The following ATXN10 variants were observed in gnomAD, a reference collection of about 807,000 sequenced individuals.
ATXN10 encodes the protein ataxin 10.
A neutral mutation model predicts 52.9 loss-of-function variants in ATXN10; 28 were observed. That is an observed-to-expected ratio of 0.53 (90% CI 0.39 to 0.73). The LOEUF (loss-of-function observed/expected upper bound fraction) is 0.73. Ranked by LOEUF, ATXN10 falls within the 30% of genes least tolerant of loss-of-function variation. ATXN10 has a pLI of 0.00. For synonymous variants in ATXN10, 226 were observed against 221.5 expected (o/e 1.02, Z -0.18); for missense variants, 565 against 577.0 (o/e 0.98, Z 0.21).
At position 45,780,380 on chromosome 22, in the gene ATXN10, G is replaced by A. The variant is rs374548068; in HGVS notation, c.1174-26579G>A. Among the ~76,000 whole-genome samples, 152 of 152,184 alleles carry A rather than the reference G, an allele frequency of 1.0e-3. 1 individual carries two copies. Among genetic ancestry groups the A allele is most frequent in the Non-Finnish European group, 1.7e-3 (117 of 68,032 alleles). On this transcript the variant is annotated intron_variant, in intron 9 of 11. Transcript: ENST00000252934. The surrounding 1 kb of genome is among the most constrained non-coding windows in gnomAD (Gnocchi z 4.0). The stretch of plus-strand genomic sequence containing the variant: ...ATTACAGGCATGAGCCACTGTGCCC[G>A]TCGGACTGTTTGCTCTCATGAGAGC...
rs1215035262 is a variant in ATXN10 at position 45,795,367 on chromosome 22, T to TCTATG, written c.1174-11588_1174-11587insGCTAT. Among the ~76,000 whole-genome samples, 1 of 137,438 alleles carries TCTATG rather than the reference T, an allele frequency of 7.3e-6. No individual in the cohort carries two copies. Among genetic ancestry groups the TCTATG allele is most frequent in the Non-Finnish European group, 1.6e-5 (1 of 63,404 alleles). The allele number at this position is 137,438 out of a possible 152,430, so 90.2% of individuals were successfully genotyped here. ...ACTACTAGAATGGATTCTATTCTAT[T>TCTATG]CTATTCTATTCTATTCTATTCTATT... On this transcript the variant is annotated intron_variant, in intron 9 of 11. Coordinates refer to ENST00000252934, the MANE Select transcript of ATXN10 (RefSeq NM_013236.4). This position sits in a 1 kb window ranked among gnomAD's most constrained non-coding sequence, Gnocchi z 4.6.
intron 9 of ATXN10, among the ~76,000 whole-genome samples, chr22:45,743,885 C>G (rs547641197): frequency 6.6e-6 from 1 of 152,134 alleles, no homozygotes; most frequent in African/African-American, 2.4e-5. Context: ...CTATTGAGTT[C>G]CCAGGCCTGT....
Position 45,727,801 on chromosome 22 carries a change from T to G in ATXN10, c.729-1624T>G, listed in dbSNP as rs1350979431. On this transcript the variant is annotated intron_variant, in intron 6 of 11. Coordinates refer to ENST00000252934, the MANE Select transcript of ATXN10 (RefSeq NM_013236.4). This position sits in a 1 kb window ranked among gnomAD's most constrained non-coding sequence, Gnocchi z 4.6. ...TGCATATATATTTAGGATTATAATA[T>G]CTTCCTGTTGGATCGATCCTTTTAT... 6.6e-6 allele frequency among the ~76,000 whole-genome samples: 1 copy of G among 152,214 alleles called. No individual in the cohort carries two copies. Among genetic ancestry groups the G allele is most frequent in the Non-Finnish European group, 1.5e-5 (1 of 68,034 alleles).
Position 45,729,561 on chromosome 22 carries a change from C to A in ATXN10, c.865C>A (p.Leu289Met). 6.2e-7 allele frequency: 1 copy of A among 1,614,136 alleles called. No individual in the cohort carries two copies. The highest frequency in any genetic ancestry group is 8.5e-7 in the Non-Finnish European group (1 of 1,180,024). The change falls in exon 7 of 12, where the codon CTG becomes ATG. Residue 289 changes from leucine (L) to methionine (M), a missense_variant. Coordinates refer to ENST00000252934, the MANE Select transcript of ATXN10 (RefSeq NM_013236.4). The stretch of plus-strand genomic sequence containing the variant: ...GGATCAGTGCAAGACTGTGCTCAAG[C>A]TGGCCTCTGAGGAGCCTCCTGATGA... Reference protein sequence around the residue: ...FVDQCKTVLKLASEEPPDDEE... With the variant: ...FVDQCKTVLKMASEEPPDDEE...
At chr22:45,734,348 C>T in intron 7 of ATXN10, 1 of 238,948 alleles carries the variant, frequency 4.2e-6, no homozygotes, top group Non-Finnish European at 9.0e-6. Context: ...TTAGGTTACT[C>T]TTTAAAATGC....
rs1601642040 is a variant in ATXN10 at position 45,781,135 on chromosome 22, C to T, written c.1174-25824C>T. 1.3e-5 allele frequency among the ~76,000 whole-genome samples: 2 copies of T among 152,200 alleles called. No homozygotes were observed. The highest frequency in any genetic ancestry group is 6.5e-5 in the Admixed American group (1 of 15,284). ...AGTGCCCTATTTCAGCCAAACACCA[C>T]GGAAAAGAATGTGGCCCCAGCCCAC... is the stretch of plus-strand genomic sequence containing the variant. On this transcript the variant is annotated intron_variant, in intron 9 of 11. Transcript: ENST00000252934. This position sits in a 1 kb window ranked among gnomAD's most constrained non-coding sequence, Gnocchi z 4.2.
chr22:45,801,220 G>A (rs753526073), intron 9 of ATXN10, among the ~76,000 whole-genome samples: 27 of 152,190 alleles, frequency 1.8e-4, no homozygotes, highest in African/African-American at 4.1e-4. Context: ...ACACTGATGC[G>A]CAGAAATGCA....
rs183254191 is a variant in ATXN10 at position 45,784,182 on chromosome 22, A to T, written c.1174-22777A>T. 4.5e-3 allele frequency among the ~76,000 whole-genome samples: 690 copies of T among 152,242 alleles called. 3 individuals are homozygous for T. The highest frequency in any genetic ancestry group is 9.7e-3 in the African/African-American group (401 of 41,552). ...TGCAATTTGTGTGGTACAATTTTTA[A>T]AAAAAAATGTACATTTTTAAATTAG... On this transcript the variant is annotated intron_variant, in intron 9 of 11. Transcript: ENST00000252934. The surrounding 1 kb of genome is among the most constrained non-coding windows in gnomAD (Gnocchi z 4.2).
chr22:45,843,203 C>G lies in ATXN10; in HGVS notation c.1425+25C>G. On this transcript the variant is annotated intron_variant, in intron 11 of 11. Transcript: ENST00000252934. This position sits in a 1 kb window ranked among gnomAD's most constrained non-coding sequence, Gnocchi z 4.5. Reference sequence around the variant, plus strand: ...AGTAAGTACCCTCGAGGGAACTGTCCTTCCCTTTGGTTTGTAGAAAGCTGT... The same window carrying G: ...AGTAAGTACCCTCGAGGGAACTGTCGTTCCCTTTGGTTTGTAGAAAGCTGT... The G allele has an allele frequency of 6.2e-7, 1 of 1,611,194 alleles. No individual in the cohort carries two copies. The highest frequency in any genetic ancestry group is 1.1e-5 in the South Asian group (1 of 90,970).
intron 9 of ATXN10, among the ~76,000 whole-genome samples, chr22:45,796,011 G>T (rs1927724499): frequency 6.6e-6 from 1 of 152,332 alleles, no homozygotes; most frequent in Middle Eastern, 3.4e-3. Flanking sequence ...TAACCATAAG[G>T]CCTGACTGCC....
chr22:45,832,734 CCAA>C (rs1365516264), intron 10 of ATXN10, among the ~76,000 whole-genome samples: 2 of 152,162 alleles, frequency 1.3e-5, no homozygotes, highest in Non-Finnish European at 2.9e-5. Flanking sequence ...ATCCCTTGCT[CCAA>C]CGCCAGTCTA....
intron 10 of ATXN10, among the ~76,000 whole-genome samples, chr22:45,830,538 C>A (rs1299823670): frequency 6.6e-6 from 1 of 151,930 alleles, no homozygotes; most frequent in Non-Finnish European, 1.5e-5. Flanking sequence ...CAAAAATGGA[C>A]AAAAGACTTG....
chr22:45,792,531 TG>T (rs1350389277), intron 9 of ATXN10: 5 of 156,526 alleles, frequency 3.2e-5, no homozygotes, highest in African/African-American at 1.2e-4. Flanking sequence ...TCCCCTTTTC[TG>T]GTGTCATGCC....
chr22:45,769,077 T>TGG lies in ATXN10; in HGVS notation c.1173+28541_1173+28542dup. Among the ~76,000 whole-genome samples, 1 of 152,236 alleles carries TGG rather than the reference T, an allele frequency of 6.6e-6. No individual in the cohort carries two copies. Among genetic ancestry groups the TGG allele is most frequent in the East Asian group, 1.9e-4 (1 of 5,174 alleles). On this transcript the variant is annotated intron_variant, in intron 9 of 11. Transcript: ENST00000252934. This position sits in a 1 kb window ranked among gnomAD's most constrained non-coding sequence, Gnocchi z 4.2. ...CATGGTGGTTTCTGAAGCCGAATGT[T>TGG]GGGTGTGTGAGTATGTATTATACCT...
At position 45,783,972 on chromosome 22, in the gene ATXN10, C is replaced by G. The variant is rs913569944; in HGVS notation, c.1174-22987C>G. On this transcript the variant is annotated intron_variant, in intron 9 of 11. Transcript: ENST00000252934. This position sits in a 1 kb window ranked among gnomAD's most constrained non-coding sequence, Gnocchi z 5.0. ...TCTGCTGAGGCTGGCGGCCCACTAC[C>G]CGCATTTGTCCCTGACTGCTTTGCA... Among the ~76,000 whole-genome samples the G allele has an allele frequency of 2.6e-5, 4 of 152,118 alleles. No individual in the cohort carries two copies.
chr22:45,699,868 A>G (rs1339096121), intron 3 of ATXN10, among the ~76,000 whole-genome samples: 1 of 140,598 alleles, frequency 7.1e-6, no homozygotes, highest in Non-Finnish European at 1.5e-5. Flanking sequence ...TTTTTTTGAG[A>G]CAGAGTCTCA....
chr22:45,718,510 C>G lies in ATXN10; in HGVS notation c.728+17C>G. The G allele has an allele frequency of 6.2e-7, 1 of 1,606,010 alleles. No individual in the cohort carries two copies. Among genetic ancestry groups the G allele is most frequent in the Non-Finnish European group, 8.5e-7 (1 of 1,172,782 alleles). ...TCAAGAAAGGTAACCCCCCAACCAG[C>G]GTGGTCTGGAGTATTTAGCATTCCA... On this transcript the variant is annotated intron_variant, in intron 6 of 11. Transcript: ENST00000252934. The surrounding 1 kb of genome is among the most constrained non-coding windows in gnomAD (Gnocchi z 4.4).
chr22:45,769,021 T>C lies in ATXN10; in HGVS notation c.1173+28483T>C, dbSNP rs1926683569. Among the ~76,000 whole-genome samples the C allele has an allele frequency of 6.6e-6, 1 of 152,106 alleles. No individual in the cohort carries two copies. The highest frequency in any genetic ancestry group is 2.4e-5 in the African/African-American group (1 of 41,422). On this transcript the variant is annotated intron_variant, in intron 9 of 11. Coordinates refer to ENST00000252934, the MANE Select transcript of ATXN10 (RefSeq NM_013236.4). The surrounding 1 kb of genome is among the most constrained non-coding windows in gnomAD (Gnocchi z 4.2). ...TAAATACTCTTGGTGGGAAAAAGTG[T>C]GGGAAGAAGACAGATGAAACAAGTT...
At chr22:45,729,963 TC>T (rs1925023796) in intron 7 of ATXN10, among the ~76,000 whole-genome samples, 2 of 152,184 alleles carry the variant, frequency 1.3e-5, no homozygotes, top group African/African-American at 4.8e-5. Context: ...GACTGTTGTG[TC>T]CATAGTACTA....
Sources: allele counts gnomAD v4.1 joint callset (sites outside exome capture counted in the v4.1 genomes callset), GRCh38; gene constraint gnomAD v4.1.1; non-coding constraint Gnocchi (gnomAD v3.1); transcripts MANE v1.5; gene names NCBI Gene and HGNC (gene_info 2026-07-23, HGNC 2026-07-21).